B3GALT1: variants seen among roughly 807,000 people sequenced by gnomAD.
B3GALT1 encodes beta-1,3-galactosyltransferase 1.
B3GALT1 carries 10 observed loss-of-function variants against 23.2 expected under a neutral mutation model. That is an observed-to-expected ratio of 0.43 (90% CI 0.27 to 0.73). The LOEUF is 0.73. Ranked by LOEUF, B3GALT1 falls within the 30% of genes least tolerant of loss-of-function variation. The pLI, the probability that B3GALT1 is intolerant of heterozygous loss-of-function variation, is 0.21. For synonymous variants in B3GALT1, 156 were observed against 141.5 expected, an observed-to-expected ratio of 1.10 and a Z score of -0.73; for missense variants, 299 against 405.4, an observed-to-expected ratio of 0.74 and a Z score of 2.25.
chr2:167,811,105 C>G (rs1688879989), intron 3 of B3GALT1, among the ~76,000 whole-genome samples: 1 of 152,126 alleles, frequency 6.6e-6, no homozygotes, highest in Non-Finnish European at 1.5e-5. Flanking sequence ...TAGCATTAAT[C>G]AAAGTACTGA....
intron 1 of B3GALT1, among the ~76,000 whole-genome samples, chr2:167,332,103 T>C (rs189203976): frequency 8.5e-5 from 13 of 152,228 alleles, no homozygotes; most frequent in Admixed American, 2.6e-4. Context: ...AGAAGTGACT[T>C]TTCATGGTTT....
At chr2:167,587,198 A>T (rs990591658) in intron 2 of B3GALT1, among the ~76,000 whole-genome samples, 3 of 152,074 alleles carry the variant, frequency 2.0e-5, no homozygotes, top group Non-Finnish European at 4.4e-5. Flanking sequence ...TATGCGTGTT[A>T]TTTTTCTTTA....
rs2204278 is a variant in B3GALT1, at chr2:167,409,710, A to C, written c.-510-80467A>C. On this transcript the variant is annotated intron_variant, in intron 1 of 4. Transcript: ENST00000392690. ...TTGGGTTAGAACATGCCCCTTTAGC[A>C]CAGAGTTGTTTGTTGAGATACCATC... 1.4e-4 allele frequency among the ~76,000 whole-genome samples: 21 copies of C among 151,976 alleles called. No individual in the cohort carries two copies. The East Asian group carries it at 2.1e-3, about 16-fold the overall frequency.
chr2:167,852,188 A>G (rs1039726582), intron 4 of B3GALT1, among the ~76,000 whole-genome samples: 1 of 152,194 alleles, frequency 6.6e-6, no homozygotes, highest in African/African-American at 2.4e-5. Flanking sequence ...CAGCTATTGC[A>G]AATAGTGACT....
intron 1 of B3GALT1, among the ~76,000 whole-genome samples, chr2:167,485,880 G>T (rs909991859): frequency 6.6e-6 from 1 of 152,106 alleles, no homozygotes; most frequent in African/African-American, 2.4e-5. Context: ...TTACTCTCAG[G>T]ACACAGAGGA....
intron 2 of B3GALT1, among the ~76,000 whole-genome samples, chr2:167,492,118 C>T (rs2105342815): frequency 6.6e-6 from 1 of 152,328 alleles, no homozygotes; most frequent in South Asian, 2.1e-4. Flanking sequence ...AAAAATCCCA[C>T]ATCTTCCTCT....
chr2:167,851,385 A>C (rs1195108755), intron 4 of B3GALT1, among the ~76,000 whole-genome samples: 6 of 152,178 alleles, frequency 3.9e-5, no homozygotes, highest in Non-Finnish European at 8.8e-5. Flanking sequence ...TTACAATTCC[A>C]AAAGGGAAGT....
chr2:167,715,965 G>A lies in B3GALT1; in HGVS notation c.-352+68999G>A, dbSNP rs560101894. The stretch of plus-strand genomic sequence containing the variant: ...TTCGCATGGAAAACCATAAGGATTC[G>A]AATCTTGTCTCATACTCTCAGGTAG... On this transcript the variant is annotated intron_variant, in intron 3 of 4. Transcript: ENST00000392690. The A allele has an allele frequency of 1.7e-4, 275 of 1,612,838 alleles. 5 individuals are homozygous for A. In the South Asian group the frequency reaches 2.9e-3, roughly 17 times the overall value.
At chr2:167,739,568 G>C (rs1221488144) in intron 3 of B3GALT1, among the ~76,000 whole-genome samples, 1 of 152,110 alleles carries the variant, frequency 6.6e-6, no homozygotes, top group Non-Finnish European at 1.5e-5. Flanking sequence ...TTTAGCATTA[G>C]CATTTTTCTT....
At chr2:167,648,392 G>C (rs937415965) in intron 3 of B3GALT1, among the ~76,000 whole-genome samples, 1 of 151,816 alleles carries the variant, frequency 6.6e-6, no homozygotes, top group African/African-American at 2.4e-5. Context: ...AGTCCTTACT[G>C]TCTCATGTAT....
At chr2:167,373,145 G>C (rs73019788) in intron 1 of B3GALT1, among the ~76,000 whole-genome samples, 2,615 of 151,930 alleles carry the variant, frequency 0.017, 80 homozygotes, top group African/African-American at 0.06. Context: ...TCAAGAAATT[G>C]TTTCAAAGCA....
chr2:167,671,738 A>C (rs1435586138), intron 3 of B3GALT1, among the ~76,000 whole-genome samples: 3 of 152,106 alleles, frequency 2.0e-5, no homozygotes, highest in Non-Finnish European at 4.4e-5. Context: ...TTAGGGAAAA[A>C]AAGAATAGAC....
chr2:167,584,730 C>T (rs574430280), intron 2 of B3GALT1, among the ~76,000 whole-genome samples: 1 of 152,238 alleles, frequency 6.6e-6, no homozygotes, highest in Non-Finnish European at 1.5e-5. Flanking sequence ...TCACAGAACT[C>T]AGGAAAACAC....
rs139420246 is a variant in B3GALT1, at chr2:167,448,672, G to C, written c.-510-41505G>C. 5.6e-3 allele frequency among the ~76,000 whole-genome samples: 848 copies of C among 152,066 alleles called. 9 individuals are homozygous for C. Among genetic ancestry groups the C allele is most frequent in the African/African-American group, 0.02 (812 of 41,504 alleles). On this transcript the variant is annotated intron_variant, in intron 1 of 4. Transcript: ENST00000392690. ...TTGTTGTATTTGCTTTTAGGTTCTTGCCTAAGCCAATGTCTAGAAGGGTTT... is the reference window on the plus strand; with the variant it reads ...TTGTTGTATTTGCTTTTAGGTTCTTCCCTAAGCCAATGTCTAGAAGGGTTT...
Position 167,447,248 on chromosome 2 carries a change from C to T in B3GALT1, c.-510-42929C>T, listed in dbSNP as rs369992362. 7.9e-4 allele frequency among the ~76,000 whole-genome samples: 120 copies of T among 152,238 alleles called. No individual in the cohort carries two copies. In the East Asian group the frequency reaches 0.012, roughly 15 times the overall value. ...GCTTCGTCTCAGAGGGGCACCTGGC[C>T]GTGTGAGGTGTCAGTCGGCCCCTAC... On this transcript the variant is annotated intron_variant, in intron 1 of 4. Coordinates refer to ENST00000392690, the MANE Select transcript of B3GALT1 (RefSeq NM_020981.4).
chr2:167,446,618 C>G (rs546761778), intron 1 of B3GALT1, among the ~76,000 whole-genome samples: 1 of 152,260 alleles, frequency 6.6e-6, no homozygotes, highest in East Asian at 1.9e-4. Flanking sequence ...TTCATTTGGT[C>G]TTCAGTCACT....
At chr2:167,682,293 C>A (rs1344770303) in intron 3 of B3GALT1, among the ~76,000 whole-genome samples, 2 of 152,136 alleles carry the variant, frequency 1.3e-5, no homozygotes, top group South Asian at 4.1e-4. Context: ...GACCTTTCAA[C>A]GAATTAAAAG....
intron 1 of B3GALT1, among the ~76,000 whole-genome samples, chr2:167,380,448 A>G (rs1217833264): frequency 6.6e-6 from 1 of 152,074 alleles, no homozygotes; most frequent in Non-Finnish European, 1.5e-5. Flanking sequence ...GGAGAAAACA[A>G]TTCTAGCCTT....
intron 2 of B3GALT1, among the ~76,000 whole-genome samples, chr2:167,565,326 C>G (rs1684136096): frequency 1.3e-5 from 2 of 152,170 alleles, no homozygotes; most frequent in South Asian, 2.1e-4. Context: ...GAAACTGGAT[C>G]CCTTCCTTAC....
Sources: allele counts gnomAD v4.1 joint callset (sites outside exome capture counted in the v4.1 genomes callset), GRCh38; gene constraint gnomAD v4.1.1; transcripts MANE v1.5; gene names NCBI Gene and HGNC (gene_info 2026-07-23, HGNC 2026-07-21).